FRMD4B: variants seen among roughly 807,000 people sequenced by gnomAD.
The protein encoded by FRMD4B is FERM domain containing 4B, also known as FERM domain-containing protein 4B.
FRMD4B carries 74 observed loss-of-function variants against 141.5 expected under a neutral mutation model. The ratio of observed to expected loss-of-function variants is 0.52; its 90% CI spans 0.43 to 0.63. The LOEUF is 0.63. Ranked by LOEUF, FRMD4B falls within the 30% of genes least tolerant of loss-of-function variation. The pLI is 0.00. For missense variants in FRMD4B, 1,366 were observed against 1,253.4 expected, an observed-to-expected ratio of 1.09 and a Z score of -1.36; for synonymous variants, 506 against 467.9, an observed-to-expected ratio of 1.08 and a Z score of -1.05.
intron 1 of FRMD4B, among the ~76,000 whole-genome samples, chr3:69,446,499 A>C (rs1040709415): frequency 2.1e-4 from 32 of 151,888 alleles, no homozygotes; most frequent in African/African-American, 7.7e-4. Context: ...CACCTGGCTA[A>C]TTTTCACATT....
chr3:69,513,473 T>C (rs906316526), intron 1 of FRMD4B, among the ~76,000 whole-genome samples: 1 of 152,060 alleles, frequency 6.6e-6, no homozygotes, highest in Non-Finnish European at 1.5e-5. Flanking sequence ...CTGCCAAACA[T>C]TTGAAAAAGA....
intron 1 of FRMD4B, among the ~76,000 whole-genome samples, chr3:69,331,080 C>G (rs1702352976): frequency 6.6e-6 from 1 of 152,166 alleles, no homozygotes; most frequent in Non-Finnish European, 1.5e-5. Flanking sequence ...GAGGCTGTAT[C>G]CAGGGAACCA....
intron 11 of FRMD4B, among the ~76,000 whole-genome samples, chr3:69,212,060 A>G (rs1487759544): frequency 2.0e-5 from 3 of 151,476 alleles, no homozygotes; most frequent in Admixed American, 1.3e-4. Flanking sequence ...AAGAGAAGGC[A>G]AGAAAGTGAT....
At chr3:69,264,748 G>T (rs1004251058) in intron 5 of FRMD4B, among the ~76,000 whole-genome samples, 1 of 152,144 alleles carries the variant, frequency 6.6e-6, no homozygotes, top group Non-Finnish European at 1.5e-5. Flanking sequence ...ACATAAAGAT[G>T]CTTTGAAAAA....
At position 69,287,845 on chromosome 3, in the gene FRMD4B, C is replaced by T. The variant is rs904936037; in HGVS notation, c.417-9G>A. ...TGCTCTCAATGTAAAACCTGAAAAACAGCAGAGGAGTTTGTTCCTTCAGAT... is the reference window on the plus strand; with the variant it reads ...TGCTCTCAATGTAAAACCTGAAAAATAGCAGAGGAGTTTGTTCCTTCAGAT... On this transcript the variant is annotated splice_polypyrimidine_tract_variant and intron_variant, in intron 4 of 22. Transcript: ENST00000398540. 4.3e-6 allele frequency: 6 copies of T among 1,395,790 alleles called. No homozygotes were observed. The African/African-American group carries it at 8.5e-5, about 20-fold the overall frequency. 86.5% of individuals were successfully genotyped at this position (1,395,790 alleles called of 1,614,324 possible).
At chr3:69,497,404 A>G (rs932849508) in intron 1 of FRMD4B, among the ~76,000 whole-genome samples, 10 of 152,190 alleles carry the variant, frequency 6.6e-5, no homozygotes, top group African/African-American at 1.7e-4. Context: ...TATAATTTAT[A>G]TCCTGAAAGT....
intron 1 of FRMD4B, among the ~76,000 whole-genome samples, chr3:69,346,568 G>A (rs1318492572): frequency 1.3e-5 from 2 of 152,140 alleles, no homozygotes; most frequent in Non-Finnish European, 2.9e-5. Context: ...AAAATGTTAA[G>A]GGCAGCCAGA....
intron 4 of FRMD4B, among the ~76,000 whole-genome samples, chr3:69,291,604 A>G (rs889855862): frequency 2.0e-5 from 3 of 152,134 alleles, no homozygotes; most frequent in Admixed American, 2.0e-4. Flanking sequence ...TGGGTAGGTG[A>G]CCCAAGCTAG....
chr3:69,537,549 C>G lies in FRMD4B; in HGVS notation c.-129+4657G>C, dbSNP rs575163778. Reference sequence around the variant, plus strand: ...ATGAAAACAGGATCACGATCACCCCCTTGTAAGAGGTTTTGGGACTGTTGT... The same window carrying G: ...ATGAAAACAGGATCACGATCACCCCGTTGTAAGAGGTTTTGGGACTGTTGT... On this transcript the variant is annotated intron_variant, in intron 1 of 5. Coordinates refer to the FRMD4B transcript ENST00000459638. Among the ~76,000 whole-genome samples, 5 of 152,296 alleles carry G rather than the reference C, an allele frequency of 3.3e-5. No individual in the cohort carries two copies. In the South Asian group the frequency reaches 1.0e-3, roughly 32 times the overall value.
intron 2 of FRMD4B, among the ~76,000 whole-genome samples, chr3:69,426,891 C>G (rs1306973703): frequency 6.6e-6 from 1 of 152,208 alleles, no homozygotes; most frequent in Non-Finnish European, 1.5e-5. Context: ...AGAATTTGTT[C>G]TCCATACTGG....
At chr3:69,264,573 T>C (rs2093548784) in intron 5 of FRMD4B, among the ~76,000 whole-genome samples, 1 of 152,244 alleles carries the variant, frequency 6.6e-6, no homozygotes, top group Admixed American at 6.5e-5. Flanking sequence ...ACTGTAAGCA[T>C]ACCTAGACAG....
chr3:69,436,192 C>T (rs1171329933), intron 1 of FRMD4B, among the ~76,000 whole-genome samples: 2 of 152,160 alleles, frequency 1.3e-5, no homozygotes, highest in African/African-American at 4.8e-5. Flanking sequence ...ATAGAAACCT[C>T]TAATATATGC....
intron 1 of FRMD4B, among the ~76,000 whole-genome samples, chr3:69,473,340 T>A (rs1384660326): frequency 6.6e-6 from 1 of 152,140 alleles, no homozygotes; most frequent in Admixed American, 6.6e-5. Context: ...TTCCCAAGTT[T>A]AGGCTCCAAA....
intron 7 of FRMD4B, among the ~76,000 whole-genome samples, chr3:69,243,185 A>G (rs867105656): frequency 4.6e-5 from 7 of 152,258 alleles, no homozygotes; most frequent in Middle Eastern, 3.4e-3. Flanking sequence ...CTATTTAAAG[A>G]AAATGGAAGT....
At chr3:69,290,939 T>C (rs1700853183) in intron 4 of FRMD4B, among the ~76,000 whole-genome samples, 1 of 152,212 alleles carries the variant, frequency 6.6e-6, no homozygotes, top group South Asian at 2.1e-4. Context: ...CCCTTAGTAA[T>C]TGTGGGCGTC....
At chr3:69,283,835 A>G (rs1028806319) in intron 5 of FRMD4B, among the ~76,000 whole-genome samples, 5 of 152,176 alleles carry the variant, frequency 3.3e-5, no homozygotes, top group African/African-American at 1.2e-4. Context: ...GGCTGTAGTA[A>G]AGCCTTTGAT....
upstream of FRMD4B, among the ~76,000 whole-genome samples, chr3:69,388,447 G>T (rs1320574015): frequency 6.6e-6 from 1 of 152,128 alleles, no homozygotes; most frequent in Non-Finnish European, 1.5e-5. Flanking sequence ...GAAATTGTTG[G>T]GGGGTGAGAT....
At chr3:69,329,150 G>C (rs1412764938) in intron 1 of FRMD4B, among the ~76,000 whole-genome samples, 2 of 152,132 alleles carry the variant, frequency 1.3e-5, no homozygotes, top group Non-Finnish European at 2.9e-5. Context: ...AGGCCGTTGA[G>C]AGACCACGTG....
intron 7 of FRMD4B, among the ~76,000 whole-genome samples, chr3:69,240,481 T>G (rs2093374245): frequency 4.9e-5 from 1 of 20,290 alleles, no homozygotes; most frequent in African/African-American, 1.7e-4. Flanking sequence ...AGACTCTGTC[T>G]CAAAAAAAAA....
Sources: gnomAD v4.1 joint callset for allele counts (sites outside exome capture counted in the v4.1 genomes callset) on GRCh38, gnomAD v4.1.1 for gene constraint, MANE v1.5 for transcripts, NCBI Gene and HGNC (gene_info 2026-07-23, HGNC 2026-07-21) for gene names.